The following ZNF704 variants were observed in gnomAD, a reference collection of about 807,000 sequenced individuals.
ZNF704 encodes the protein zinc finger protein 704.
Under a neutral mutation model 44.7 loss-of-function variants are expected in ZNF704, and 10 were observed. That is an observed-to-expected ratio of 0.22 (90% CI 0.14 to 0.38). The LOEUF (loss-of-function observed/expected upper bound fraction) is 0.38. Among genes scored for constraint, ZNF704 ranks in the 10% least tolerant of loss-of-function variants. The pLI, the probability that ZNF704 is intolerant of heterozygous loss-of-function variation, is 1.00. For missense variants in ZNF704, 390 were observed against 545.5 expected, an observed-to-expected ratio of 0.71 and a Z score of 2.84; for synonymous variants, 211 against 207.6, an observed-to-expected ratio of 1.02 and a Z score of -0.14.
intron 4 of ZNF704, among the ~76,000 whole-genome samples, chr8:80,683,420 T>C (rs1038361503): frequency 2.0e-5 from 3 of 152,226 alleles, no homozygotes; most frequent in Non-Finnish European, 2.9e-5. Flanking sequence ...CTGCTCTCCA[T>C]TTCTTTCTGA....
intron 1 of ZNF704, among the ~76,000 whole-genome samples, chr8:80,825,452 C>T (rs1277292541): frequency 2.0e-5 from 3 of 152,194 alleles, no homozygotes; most frequent in Non-Finnish European, 4.4e-5. Flanking sequence ...TACAAAGAGA[C>T]TTAGACTCCC....
In ZNF704 at chr8:80,687,454, G is replaced by A; in HGVS notation, c.330C>T (p.Ser110=). The change falls in exon 4 of 9, where the codon AGC becomes AGT. Residue 110 remains serine, a synonymous_variant. Transcript: ENST00000327835. Reference sequence around the variant, plus strand: ...CGCCCTCCTTCCAGGATCCGCTGAGGCTCTCTGCATGCACACAAACACAGT... The same window carrying A: ...CGCCCTCCTTCCAGGATCCGCTGAGACTCTCTGCATGCACACAAACACAGT... ...VRSPPVRPNE[S]LSGSWKEGGC... is the part of the protein sequence containing the mutation. 1 of 1,554,026 alleles carries A rather than the reference G, an allele frequency of 6.4e-7. No individual in the cohort carries two copies. Among genetic ancestry groups the A allele is most frequent in the Non-Finnish European group, 8.7e-7 (1 of 1,151,716 alleles).
Position 80,637,320 on chromosome 8 carries a change from G to A in ZNF704, c.*4046C>T, listed in dbSNP as rs1817678770. 6.6e-6 allele frequency: 1 copy of A among 152,144 alleles called. No homozygotes were observed. The highest frequency in any genetic ancestry group is 1.5e-5 in the Non-Finnish European group (1 of 68,040). The allele number at this position is 152,144 out of a possible 1,614,324, so 9.4% of individuals were successfully genotyped here. A position where few individuals can be genotyped will look rare whatever the true frequency, so the allele number is the denominator to read the frequency against. On this transcript the variant is annotated 3_prime_UTR_variant, in exon 9 of 9. Coordinates refer to ENST00000327835, the MANE Select transcript of ZNF704 (RefSeq NM_001033723.3). ...TGCATGCCCTTTATTTTTCCCTGAG[G>A]AAATGAATATTATTTACAGTATTTT...
At chr8:80,861,757 T>C (rs1563580443) in intron 1 of ZNF704, among the ~76,000 whole-genome samples, 1 of 151,640 alleles carries the variant, frequency 6.6e-6, no homozygotes, top group Non-Finnish European at 1.5e-5. Flanking sequence ...TCTTTTGAAT[T>C]TCCATCTCCA....
intron 1 of ZNF704, among the ~76,000 whole-genome samples, chr8:80,822,502 A>C (rs1280058314): frequency 6.6e-6 from 1 of 152,210 alleles, no homozygotes; most frequent in African/African-American, 2.4e-5. Flanking sequence ...TGCCAAAATA[A>C]ACATATGTGT....
intron 1 of ZNF704, among the ~76,000 whole-genome samples, chr8:80,853,503 T>C (rs1391420627): frequency 6.6e-6 from 1 of 152,088 alleles, no homozygotes; most frequent in Non-Finnish European, 1.5e-5. Flanking sequence ...CCCAAGATTA[T>C]TTTAGCAGTT....
At chr8:80,660,470 CA>C (rs139254906) in intron 6 of ZNF704, among the ~76,000 whole-genome samples, 9,203 of 76,898 alleles carry the variant, frequency 0.12, 238 homozygotes, top group Middle Eastern at 0.22. Context: ...AATCTTGTCT[CA>C]AAAAAAAAAA....
chr8:80,657,320 T>C (rs1195561966), intron 7 of ZNF704, among the ~76,000 whole-genome samples: 1 of 152,184 alleles, frequency 6.6e-6, no homozygotes, highest in Non-Finnish European at 1.5e-5. Flanking sequence ...CAAGCTTGAC[T>C]GCTAAAATCA....
chr8:80,851,149 TAC>T (rs1808856205), intron 1 of ZNF704, among the ~76,000 whole-genome samples: 1 of 152,122 alleles, frequency 6.6e-6, no homozygotes, highest in South Asian at 2.1e-4. Flanking sequence ...TGGTAAGAAA[TAC>T]AGTGTTTGTG....
At chr8:80,797,838 C>T (rs952446727) in intron 2 of ZNF704, among the ~76,000 whole-genome samples, 1 of 152,138 alleles carries the variant, frequency 6.6e-6, no homozygotes, top group African/African-American at 2.4e-5. Context: ...GCACGTTCTC[C>T]TGAACATGTT....
intron 2 of ZNF704, among the ~76,000 whole-genome samples, chr8:80,739,146 C>G (rs1476631223): frequency 6.6e-6 from 1 of 152,180 alleles, no homozygotes; most frequent in Non-Finnish European, 1.5e-5. Context: ...TTCATCATAT[C>G]AAAGATTACA....
intron 2 of ZNF704, among the ~76,000 whole-genome samples, chr8:80,820,239 C>T (rs566407742): frequency 1.3e-5 from 2 of 152,178 alleles, no homozygotes; most frequent in South Asian, 2.1e-4. Flanking sequence ...TCCCTGCTGA[C>T]GTGGAGCTTG....
chr8:80,681,338 C>T (rs536985747), intron 4 of ZNF704, among the ~76,000 whole-genome samples: 19 of 152,240 alleles, frequency 1.2e-4, no homozygotes, highest in East Asian at 3.9e-4. Context: ...ACATTTCTAC[C>T]GGCAATAAAT....
chr8:80,666,202 A>G (rs1818191808), intron 5 of ZNF704, among the ~76,000 whole-genome samples: 1 of 141,490 alleles, frequency 7.1e-6, no homozygotes, highest in Non-Finnish European at 1.5e-5. Flanking sequence ...CCTATGAGTG[A>G]GAATATGCAG....
At chr8:80,880,272 C>T in the ZNF704 span, among the ~76,000 whole-genome samples, 1 of 152,182 alleles carries the variant, frequency 6.6e-6, no homozygotes. Flanking sequence ...GAATCATGAG[C>T]GGACACTTGT....
chr8:80,766,292 A>T (rs553993112), intron 2 of ZNF704, among the ~76,000 whole-genome samples: 3 of 152,210 alleles, frequency 2.0e-5, no homozygotes, highest in African/African-American at 7.2e-5. Flanking sequence ...CCAAAGCAGC[A>T]AGGGTCAAAC....
chr8:80,795,773 T>G (rs548180231), intron 2 of ZNF704, among the ~76,000 whole-genome samples: 18 of 152,158 alleles, frequency 1.2e-4, no homozygotes, highest in African/African-American at 3.9e-4. Flanking sequence ...GAAATTATGT[T>G]CAACTGTTAT....
chr8:80,846,947 C>A (rs1318384454), intron 1 of ZNF704, among the ~76,000 whole-genome samples: 2 of 152,060 alleles, frequency 1.3e-5, no homozygotes. Flanking sequence ...CTGAGGCAGG[C>A]AGATCACCCA....
At chr8:80,770,568 A>G (rs1807303004) in intron 2 of ZNF704, among the ~76,000 whole-genome samples, 1 of 151,846 alleles carries the variant, frequency 6.6e-6, no homozygotes. Context: ...TTTACTGTTG[A>G]GTTTTGAAAA....
Sources: allele counts gnomAD v4.1 joint callset (sites outside exome capture counted in the v4.1 genomes callset), GRCh38; gene constraint gnomAD v4.1.1; transcripts MANE v1.5; gene names NCBI Gene and HGNC (gene_info 2026-07-23, HGNC 2026-07-21).